The following SCML4 variants were observed in gnomAD, a reference collection of about 807,000 sequenced individuals.
SCML4 encodes Scm polycomb group protein like 4.
In SCML4, 34 loss-of-function variants were observed where a neutral mutation model predicts 41.1. That is an observed-to-expected ratio of 0.83 (90% confidence interval 0.63 to 1.10). The LOEUF is 1.10. Ranked by LOEUF, SCML4 falls within the 50% of genes least tolerant of loss-of-function variation. SCML4 has a pLI of 0.00. For missense variants in SCML4, 522 were observed against 534.1 expected, an observed-to-expected ratio of 0.98 and a Z score of 0.22; for synonymous variants, 214 against 220.9, an observed-to-expected ratio of 0.97 and a Z score of 0.28.
Position 107,758,357 on chromosome 6 carries a change from C to G in SCML4, c.157-8544G>C, listed in dbSNP as rs191855784. On this transcript the variant is annotated intron_variant, in intron 2 of 7. Coordinates refer to ENST00000369020, the MANE Select transcript of SCML4 (RefSeq NM_198081.5). ...CTTCAAGAAACCAGAGTGGTTGGAA[C>G]TGTGGGCAAGAGTCAGAATGGTGCA... Among the ~76,000 whole-genome samples, 21 of 152,278 alleles carry G rather than the reference C, an allele frequency of 1.4e-4. 1 individual carries two copies. The highest frequency in any genetic ancestry group is 5.1e-4 in the African/African-American group (21 of 41,560).
In SCML4 at chr6:107,727,197, G is replaced by A. The variant is rs533581330; in HGVS notation, c.683-6204C>T. ...GATTCTTTTTATATAAAATGTCCAG[G>A]AAAGGCAAATCTATACAGACAAAAA... is the stretch of plus-strand genomic sequence containing the variant. On this transcript the variant is annotated intron_variant, in intron 5 of 7. Coordinates refer to ENST00000369020, the MANE Select transcript of SCML4 (RefSeq NM_198081.5). 1.1e-3 allele frequency among the ~76,000 whole-genome samples: 171 copies of A among 152,098 alleles called. 1 individual carries two copies. Among genetic ancestry groups the A allele is most frequent in the African/African-American group, 4.0e-3 (165 of 41,512 alleles).
chr6:107,814,063 A>G (rs1784395702), intron 1 of SCML4, among the ~76,000 whole-genome samples: 1 of 152,152 alleles, frequency 6.6e-6, no homozygotes, highest in South Asian at 2.1e-4. Context: ...GGCTCCATAT[A>G]TCCATCCTGG....
In SCML4 at chr6:107,751,722, G is replaced by A. The variant is rs143754662; in HGVS notation, c.157-1909C>T. 7.6e-4 allele frequency among the ~76,000 whole-genome samples: 114 copies of A among 149,984 alleles called. 1 individual carries two copies. Among genetic ancestry groups the A allele is most frequent in the Middle Eastern group, 3.4e-3 (1 of 292 alleles). On this transcript the variant is annotated intron_variant, in intron 2 of 7. Transcript: ENST00000369020. Reference sequence around the variant, plus strand: ...ACCATCTCAGCTCACTGCAACCTCCGCCTCCCAGGTTCAAATGATTCTCCT... The same window carrying A: ...ACCATCTCAGCTCACTGCAACCTCCACCTCCCAGGTTCAAATGATTCTCCT...
At chr6:107,710,005 C>G (rs115994877) in intron 6 of SCML4, among the ~76,000 whole-genome samples, 2 of 152,142 alleles carry the variant, frequency 1.3e-5, no homozygotes, top group African/African-American at 4.8e-5. Flanking sequence ...CCACAGCACC[C>G]GGCTTCCTAC....
intron 1 of SCML4, among the ~76,000 whole-genome samples, chr6:107,781,437 A>C (rs945371376): frequency 2.0e-5 from 3 of 152,140 alleles, no homozygotes; most frequent in African/African-American, 7.2e-5. Context: ...GCTTGAGCTC[A>C]GGAGCTCAAG....
At chr6:107,777,274 C>T (rs767327844) in intron 1 of SCML4, among the ~76,000 whole-genome samples, 6 of 152,118 alleles carry the variant, frequency 3.9e-5, no homozygotes, top group East Asian at 3.9e-4. Flanking sequence ...CTGGCCATCA[C>T]GCCTGGCTAA....
intron 7 of SCML4, among the ~76,000 whole-genome samples, chr6:107,707,194 GGGT>G (rs1773726888): frequency 1.4e-5 from 2 of 138,410 alleles, no homozygotes; most frequent in African/African-American, 5.6e-5. Flanking sequence ...CCAGCTGCTC[GGGT>G]GGGCTGAGGC....
the SCML4 span, among the ~76,000 whole-genome samples, chr6:107,834,341 G>T: frequency 6.6e-6 from 1 of 152,202 alleles, no homozygotes. Context: ...CAGCTGAGGG[G>T]AGAGGTGCTA....
At chr6:107,706,529 C>T (rs4945786) in intron 7 of SCML4, among the ~76,000 whole-genome samples, 95,297 of 152,074 alleles carry the variant, frequency 0.63, 30,697 homozygotes, top group Admixed American at 0.73. Context: ...CTGTGGAAGG[C>T]GGAATAATGC....
the SCML4 span, among the ~76,000 whole-genome samples, chr6:107,836,886 C>T: frequency 6.6e-6 from 1 of 152,088 alleles, no homozygotes; most frequent in African/African-American, 2.4e-5. Context: ...GATATAAATG[C>T]CACAGTCATC....
At chr6:107,766,520 T>A (rs1234416956) in intron 2 of SCML4, among the ~76,000 whole-genome samples, 1 of 152,204 alleles carries the variant, frequency 6.6e-6, no homozygotes, top group Admixed American at 6.5e-5. Flanking sequence ...GAAGTCATTC[T>A]CAGTCTTGAC....
chr6:107,792,497 C>T (rs1782406155), intron 1 of SCML4, among the ~76,000 whole-genome samples: 1 of 152,052 alleles, frequency 6.6e-6, no homozygotes, highest in South Asian at 2.1e-4. Context: ...TTTAGGAGGC[C>T]GAGGCAGGCG....
intron 2 of SCML4, among the ~76,000 whole-genome samples, chr6:107,768,341 T>C (rs9486686): frequency 0.26 from 39,997 of 152,070 alleles, 5,756 homozygotes; most frequent in African/African-American, 0.36. Flanking sequence ...TTCTTTAAAG[T>C]CACTGTTATT....
chr6:107,772,322 C>T lies in SCML4; in HGVS notation c.6G>A (p.Gln2=). 1 of 1,549,494 alleles carries T rather than the reference C, an allele frequency of 6.5e-7. No homozygotes were observed. Among genetic ancestry groups the T allele is most frequent in the Non-Finnish European group, 8.7e-7 (1 of 1,146,126 alleles). Residue 2 remains glutamine (Q), a synonymous_variant, in exon 2 of 8, where the codon CAG becomes CAA. Coordinates refer to ENST00000369020, the MANE Select transcript of SCML4 (RefSeq NM_198081.5). ...GCTTTCTCCCCGGGATCCTTTGAGACTGCATTTCTGCTGGTGCCAGTCTTA... is the reference window on the plus strand; with the variant it reads ...GCTTTCTCCCCGGGATCCTTTGAGATTGCATTTCTGCTGGTGCCAGTCTTA... M[Q]SQRIPGRKRG... is the part of the protein sequence containing the mutation.
At chr6:107,719,506 G>C (rs887610863) in intron 6 of SCML4, 1 of 152,222 alleles carries the variant, frequency 6.6e-6, no homozygotes, top group African/African-American at 2.4e-5. Flanking sequence ...GGGGCTACAG[G>C]GTGGCAAGAT....
chr6:107,727,085 A>T (rs1175536247), intron 5 of SCML4, among the ~76,000 whole-genome samples: 1 of 152,258 alleles, frequency 6.6e-6, no homozygotes, highest in Non-Finnish European at 1.5e-5. Context: ...AAAAGGAATG[A>T]AGTACTGATA....
chr6:107,802,637 A>G (rs1402993579), intron 1 of SCML4, among the ~76,000 whole-genome samples: 2 of 93,134 alleles, frequency 2.1e-5, no homozygotes, highest in African/African-American at 4.8e-5. Flanking sequence ...GAAGGAAGGA[A>G]AGAAAATTGG....
chr6:107,803,106 C>G (rs371314067), intron 1 of SCML4, among the ~76,000 whole-genome samples: 1 of 151,802 alleles, frequency 6.6e-6, no homozygotes, highest in Non-Finnish European at 1.5e-5. Context: ...ACTTCCACCT[C>G]CCAGCTGCCT....
intron 1 of SCML4, among the ~76,000 whole-genome samples, chr6:107,787,574 C>A (rs1781999924): frequency 6.6e-6 from 1 of 152,184 alleles, no homozygotes; most frequent in African/African-American, 2.4e-5. Context: ...GTTTCTAGTT[C>A]AATCTTTATC....
Sources: allele counts gnomAD v4.1 joint callset (sites outside exome capture counted in the v4.1 genomes callset), GRCh38; gene constraint gnomAD v4.1.1; transcripts MANE v1.5; gene names NCBI Gene and HGNC (gene_info 2026-07-23, HGNC 2026-07-21).